Variants in ZBTB7C observed in about 807,000 individuals in gnomAD.
ZBTB7C encodes zinc finger and BTB domain containing 7C.
ZBTB7C carries 8 observed loss-of-function variants against 25.7 expected under a neutral mutation model. The ratio of observed to expected loss-of-function variants is 0.31; its 90% CI spans 0.18 to 0.56. The LOEUF (loss-of-function observed/expected upper bound fraction) is 0.56. Ranked by LOEUF, ZBTB7C falls within the 20% of genes least tolerant of loss-of-function variation. ZBTB7C has a pLI of 0.91. For synonymous variants in ZBTB7C, 394 were observed against 369.0 expected (o/e 1.07, Z -0.78); for missense variants, 824 against 855.2 (o/e 0.96, Z 0.46).
At chr18:48,121,774 A>G (rs1408519204) in intron 3 of ZBTB7C, among the ~76,000 whole-genome samples, 1 of 152,126 alleles carries the variant, frequency 6.6e-6, no homozygotes, top group African/African-American at 2.4e-5. Flanking sequence ...GGCTTAGGAG[A>G]GAGGCTGAGC....
chr18:48,382,130 C>T (rs1253365294), intron 1 of ZBTB7C, among the ~76,000 whole-genome samples: 2 of 152,190 alleles, frequency 1.3e-5, no homozygotes, highest in Non-Finnish European at 2.9e-5. Context: ...AAATTTTCAC[C>T]TTCCACTAGT....
intron 3 of ZBTB7C, among the ~76,000 whole-genome samples, chr18:48,172,765 C>T (rs1047474638): frequency 6.6e-6 from 1 of 152,206 alleles, no homozygotes; most frequent in African/African-American, 2.4e-5. Context: ...GCCAGCCTGC[C>T]ACAGTAGGGG....
chr18:48,287,411 CA>C (rs1233307319), intron 2 of ZBTB7C, among the ~76,000 whole-genome samples: 10 of 152,160 alleles, frequency 6.6e-5, no homozygotes, highest in African/African-American at 2.4e-4. Flanking sequence ...TCATTAAATA[CA>C]CTGAATCAGT....
chr18:48,298,464 G>T (rs2045459446), intron 2 of ZBTB7C, among the ~76,000 whole-genome samples: 3 of 152,072 alleles, frequency 2.0e-5, no homozygotes. Context: ...GTTTAAGGCT[G>T]CCCCATCTTG....
chr18:48,294,712 T>C (rs767610131), intron 2 of ZBTB7C, among the ~76,000 whole-genome samples: 5 of 151,628 alleles, frequency 3.3e-5, no homozygotes, highest in Non-Finnish European at 7.4e-5. Flanking sequence ...ACAGAGGGCT[T>C]CACCCCTCCC....
At chr18:48,255,720 C>T (rs2044002577) in intron 2 of ZBTB7C, among the ~76,000 whole-genome samples, 1 of 152,200 alleles carries the variant, frequency 6.6e-6, no homozygotes, top group Non-Finnish European at 1.5e-5. Flanking sequence ...CAGCTCAGCT[C>T]ATTAGAACAC....
In ZBTB7C at chr18:48,356,656, C is replaced by T. The variant is rs552612896; in HGVS notation, c.-303-18258G>A. 7.9e-5 allele frequency among the ~76,000 whole-genome samples: 12 copies of T among 152,278 alleles called. No individual in the cohort carries two copies. The East Asian group carries it at 1.7e-3, about 22-fold the overall frequency. Reference sequence around the variant, plus strand: ...CCAGATATAAAGAGCCAGATCCCAGCGCCACTCTGGACTTACAGAATCAGA... The same window carrying T: ...CCAGATATAAAGAGCCAGATCCCAGTGCCACTCTGGACTTACAGAATCAGA... On this transcript the variant is annotated intron_variant, in intron 1 of 4. Transcript: ENST00000590800.
intron 4 of ZBTB7C, among the ~76,000 whole-genome samples, chr18:48,030,136 C>T (rs1280884467): frequency 6.6e-6 from 1 of 152,160 alleles, no homozygotes; most frequent in African/African-American, 2.4e-5. Flanking sequence ...GTCCTGAAAG[C>T]CCCACTCCCC....
chr18:48,118,515 A>T (rs1166169606), intron 3 of ZBTB7C, among the ~76,000 whole-genome samples: 2 of 152,224 alleles, frequency 1.3e-5, no homozygotes, highest in African/African-American at 4.8e-5. Flanking sequence ...AATAGTAAAA[A>T]GTTCATTAAG....
chr18:48,299,606 G>C (rs1409183208), intron 2 of ZBTB7C, among the ~76,000 whole-genome samples: 2 of 152,222 alleles, frequency 1.3e-5, no homozygotes, highest in Non-Finnish European at 2.9e-5. Flanking sequence ...TGGGAGATGA[G>C]AGTGGCAAAG....
rs561220456 is a variant in ZBTB7C, at chr18:48,140,320, T to C, written c.-17+45614A>G. 1.2e-4 allele frequency among the ~76,000 whole-genome samples: 19 copies of C among 152,354 alleles called. 1 individual carries two copies. In the South Asian group the frequency reaches 3.7e-3, roughly 30 times the overall value. ...GCTCTGTGATCTGCAAAGAGTATAC[T>C]AATATTGACTGAGGGCCTATGCCCT... On this transcript the variant is annotated intron_variant, in intron 3 of 4. Transcript: ENST00000590800.
intron 3 of ZBTB7C, chr18:48,137,373 CCT>C (rs2040205254): frequency 2.1e-6 from 2 of 975,532 alleles, no homozygotes; most frequent in Non-Finnish European, 2.4e-6. Flanking sequence ...TTTCTTTTCC[CCT>C]CTTTTCTTCC....
intron 1 of ZBTB7C, among the ~76,000 whole-genome samples, chr18:48,347,887 A>C (rs1489765863): frequency 6.6e-6 from 1 of 152,192 alleles, no homozygotes; most frequent in Non-Finnish European, 1.5e-5. Context: ...CCAGGGTGGG[A>C]AATGGTTTGC....
intron 3 of ZBTB7C, among the ~76,000 whole-genome samples, chr18:48,168,815 T>A (rs1344270667): frequency 6.6e-6 from 1 of 152,240 alleles, no homozygotes; most frequent in Admixed American, 6.5e-5. Context: ...GAATCAGGCA[T>A]AAACATGGCT....
chr18:48,036,947 G>C (rs1466107281), intron 4 of ZBTB7C, among the ~76,000 whole-genome samples: 2 of 152,338 alleles, frequency 1.3e-5, no homozygotes, highest in East Asian at 3.9e-4. Flanking sequence ...TTGCCGGGCA[G>C]TTCCAGAGAT....
chr18:48,199,864 A>C (rs1213477425), intron 2 of ZBTB7C, among the ~76,000 whole-genome samples: 1 of 152,216 alleles, frequency 6.6e-6, no homozygotes, highest in Non-Finnish European at 1.5e-5. Context: ...AGGCTTGGAG[A>C]CACTGCTTAC....
At chr18:48,224,005 T>C (rs1453104464) in intron 2 of ZBTB7C, among the ~76,000 whole-genome samples, 1 of 152,232 alleles carries the variant, frequency 6.6e-6, no homozygotes, top group Non-Finnish European at 1.5e-5. Context: ...GCAGCCATCT[T>C]GGACTACAAA....
Position 48,409,383 on chromosome 18 carries a change from T to C in ZBTB7C, c.-461A>G, listed in dbSNP as rs2048355910. The C allele has an allele frequency of 6.8e-6, 1 of 146,826 alleles. No individual in the cohort carries two copies. Among genetic ancestry groups the C allele is most frequent in the Admixed American group, 6.7e-5 (1 of 14,886 alleles). 9.1% of individuals were successfully genotyped at this position (146,826 alleles called of 1,614,324 possible). A position where few individuals can be genotyped will look rare whatever the true frequency, so the allele number is the denominator to read the frequency against. ...CGTGGCGGGGCTGCGCCGGCGGGTA[T>C]GGAGCTGAGCGGCGGCAGCGGGCGA... On this transcript the variant is annotated 5_prime_UTR_variant, in exon 1 of 5. Transcript: ENST00000590800.
chr18:48,395,375 ATGTGTGTG>A (rs149447084), intron 1 of ZBTB7C, among the ~76,000 whole-genome samples: 27,613 of 82,534 alleles, frequency 0.33, 4,550 homozygotes, highest in Non-Finnish European at 0.37. Flanking sequence ...TTCTATTCAA[ATGTGTGTG>A]TGTGTGTGTG....
Sources: allele counts gnomAD v4.1 joint callset (sites outside exome capture counted in the v4.1 genomes callset), GRCh38; gene constraint gnomAD v4.1.1; transcripts MANE v1.5; gene names NCBI Gene and HGNC (gene_info 2026-07-23, HGNC 2026-07-21).